The following DPYD variants were observed in gnomAD, a reference collection of about 807,000 sequenced individuals.
The protein encoded by DPYD is dihydropyrimidine dehydrogenase, also known as dihydropyrimidine dehydrogenase [NADP(+)].
DPYD carries 109 observed loss-of-function variants against 116.2 expected under a neutral mutation model. The ratio of observed to expected loss-of-function variants is 0.94; its 90% CI spans 0.80 to 1.10. The LOEUF is 1.10. Among genes scored for constraint, DPYD ranks in the 50% least tolerant of loss-of-function variants. The probability of loss-of-function intolerance (pLI) is 0.00; values close to 1 mark genes in which losing one functional copy is unlikely to be tolerated. For synonymous variants in DPYD, 440 were observed against 432.0 expected (o/e 1.02, Z -0.23); for missense variants, 1,302 against 1,254.5 (o/e 1.04, Z -0.57).
intron 13 of DPYD, among the ~76,000 whole-genome samples, chr1:97,457,432 C>T (rs1676747654): frequency 6.6e-6 from 1 of 151,948 alleles, no homozygotes; most frequent in African/African-American, 2.4e-5. Flanking sequence ...TTTTGTTTTT[C>T]CTCTTGCCCT....
At chr1:97,284,289 T>TTGGTTTATGATG (rs1246425397) in intron 18 of DPYD, among the ~76,000 whole-genome samples, 3 of 152,096 alleles carry the variant, frequency 2.0e-5, no homozygotes, top group African/African-American at 7.2e-5. Flanking sequence ...AAGTGTGAGT[T>TTGGTTTATGATG]TGACTTTTGG....
chr1:97,238,468 A>G (rs1443778123), intron 18 of DPYD, among the ~76,000 whole-genome samples: 2 of 152,152 alleles, frequency 1.3e-5, no homozygotes, highest in Non-Finnish European at 2.9e-5. Flanking sequence ...ATATAAAAAG[A>G]TCTTTCTAAA....
At chr1:97,771,946 T>A (rs1666164729) in intron 3 of DPYD, among the ~76,000 whole-genome samples, 1 of 152,170 alleles carries the variant, frequency 6.6e-6, no homozygotes, top group African/African-American at 2.4e-5. Flanking sequence ...TATTTCCATT[T>A]CTTAATAAAA....
intron 13 of DPYD, among the ~76,000 whole-genome samples, chr1:97,461,647 C>T (rs745692917): frequency 6.6e-6 from 1 of 152,156 alleles, no homozygotes; most frequent in Non-Finnish European, 1.5e-5. Context: ...AGATAAGCAG[C>T]TATGCGATAT....
intron 3 of DPYD, among the ~76,000 whole-genome samples, chr1:97,774,397 G>C (rs1266223104): frequency 6.6e-6 from 1 of 152,110 alleles, no homozygotes; most frequent in Admixed American, 6.5e-5. Flanking sequence ...TGTTTGAAAG[G>C]CTCTTATCTC....
At chr1:97,802,662 GT>G (rs1412412210) in intron 3 of DPYD, among the ~76,000 whole-genome samples, 8 of 151,794 alleles carry the variant, frequency 5.3e-5, no homozygotes, top group South Asian at 4.1e-4. Flanking sequence ...TCCTCCCTTA[GT>G]ATAGAAGTCC....
chr1:97,764,998 T>G (rs964853406), intron 3 of DPYD, among the ~76,000 whole-genome samples: 2 of 152,166 alleles, frequency 1.3e-5, no homozygotes, highest in African/African-American at 4.8e-5. Flanking sequence ...TTTGTATGTA[T>G]TTCTTCCATT....
intron 18 of DPYD, among the ~76,000 whole-genome samples, chr1:97,282,146 T>C (rs1665362267): frequency 6.6e-6 from 1 of 152,122 alleles, no homozygotes; most frequent in African/African-American, 2.4e-5. Flanking sequence ...CTGGTGTTAC[T>C]GTGTTGACTA....
intron 16 of DPYD, among the ~76,000 whole-genome samples, chr1:97,313,861 C>G (rs1278941925): frequency 1.3e-5 from 2 of 151,856 alleles, no homozygotes; most frequent in Non-Finnish European, 2.9e-5. Context: ...GACTATTAGT[C>G]TTTTAGGGGA....
intron 16 of DPYD, among the ~76,000 whole-genome samples, chr1:97,345,709 C>T (rs984405450): frequency 1.3e-5 from 2 of 151,850 alleles, no homozygotes; most frequent in Non-Finnish European, 2.9e-5. Context: ...GAGATGAATG[C>T]TGTTATTAAC....
At chr1:97,221,666 G>A (rs1660784139) in intron 19 of DPYD, among the ~76,000 whole-genome samples, 2 of 152,024 alleles carry the variant, frequency 1.3e-5, no homozygotes, top group Non-Finnish European at 1.5e-5. Flanking sequence ...ATATCAAAGT[G>A]TATACATCAA....
At chr1:97,513,286 T>C (rs548431398) in intron 13 of DPYD, among the ~76,000 whole-genome samples, 6 of 151,744 alleles carry the variant, frequency 4.0e-5, no homozygotes, top group Admixed American at 6.6e-5. Context: ...CAGAAATCAG[T>C]GCAATATTCA....
intron 18 of DPYD, among the ~76,000 whole-genome samples, chr1:97,258,524 G>T (rs1049447607): frequency 3.5e-4 from 53 of 152,024 alleles, no homozygotes; most frequent in African/African-American, 1.2e-3. Context: ...CTCCTTCTTT[G>T]TCTCATATTT....
chr1:97,861,795 G>A (rs1671130580), intron 2 of DPYD, among the ~76,000 whole-genome samples: 1 of 151,976 alleles, frequency 6.6e-6, no homozygotes, highest in Non-Finnish European at 1.5e-5. Context: ...TGGAGACAAT[G>A]CGGAAAGGGA....
intron 2 of DPYD, among the ~76,000 whole-genome samples, chr1:97,847,458 A>G (rs1195705083): frequency 3.3e-5 from 5 of 152,200 alleles, no homozygotes; most frequent in African/African-American, 1.2e-4. Flanking sequence ...GCCAAAAAAT[A>G]AAAAGTAGAA....
At chr1:97,401,787 A>T (rs1176917291) in intron 14 of DPYD, among the ~76,000 whole-genome samples, 1 of 152,074 alleles carries the variant, frequency 6.6e-6, no homozygotes, top group East Asian at 1.9e-4. Flanking sequence ...TAGATGTATG[A>T]TCCATTTAGA....
chr1:97,234,251 T>C (rs1411631786), intron 19 of DPYD, among the ~76,000 whole-genome samples: 2 of 152,166 alleles, frequency 1.3e-5, no homozygotes, highest in African/African-American at 4.8e-5. Context: ...AAAAAGTATA[T>C]GAATACTTTT....
At chr1:97,470,521 CT>C (rs1446189524) in intron 13 of DPYD, among the ~76,000 whole-genome samples, 3 of 152,080 alleles carry the variant, frequency 2.0e-5, no homozygotes, top group African/African-American at 7.2e-5. Flanking sequence ...CAATATAATA[CT>C]GATGTATACT....
At chr1:97,115,691 A>G (rs550958000) in intron 20 of DPYD, among the ~76,000 whole-genome samples, 1 of 152,346 alleles carries the variant, frequency 6.6e-6, no homozygotes, top group East Asian at 1.9e-4. Context: ...TGCAGGAAGA[A>G]AATTACAATC....
Sources: gnomAD v4.1 joint callset for allele counts (sites outside exome capture counted in the v4.1 genomes callset) on GRCh38, gnomAD v4.1.1 for gene constraint, MANE v1.5 for transcripts, NCBI Gene and HGNC (gene_info 2026-07-23, HGNC 2026-07-21) for gene names.